ARID5B: variants seen among roughly 807,000 people sequenced by gnomAD.
ARID5B encodes the protein AT-rich interaction domain 5B.
ARID5B carries 13 observed loss-of-function variants against 97.2 expected under a neutral mutation model. The observed-to-expected ratio is 0.13, with a 90% CI of 0.09 to 0.21. The LOEUF (loss-of-function observed/expected upper bound fraction) is 0.21. ARID5B is among the 10% of genes least tolerant of loss of function. The pLI is 1.00. For synonymous variants in ARID5B, 556 were observed against 570.3 expected, an observed-to-expected ratio of 0.97 and a Z score of 0.36; for missense variants, 1,210 against 1,465.3, an observed-to-expected ratio of 0.83 and a Z score of 2.84.
At chr10:61,955,848 G>A (rs980262216) in intron 3 of ARID5B, among the ~76,000 whole-genome samples, 8 of 151,880 alleles carry the variant, frequency 5.3e-5, no homozygotes, top group African/African-American at 1.2e-4. Context: ...ACGGGGTTTC[G>A]TCATGCTGGC....
At chr10:62,023,316 CT>C (rs1839379476) in intron 4 of ARID5B, among the ~76,000 whole-genome samples, 1 of 152,194 alleles carries the variant, frequency 6.6e-6, no homozygotes, top group Non-Finnish European at 1.5e-5. Context: ...ATATTGCCTC[CT>C]TTGGCCATCA....
At chr10:61,908,319 A>T (rs1856803433) in intron 2 of ARID5B, among the ~76,000 whole-genome samples, 1 of 152,202 alleles carries the variant, frequency 6.6e-6, no homozygotes, top group South Asian at 2.1e-4. Context: ...TGATAAGGAG[A>T]TGAGATCAAC....
intron 8 of ARID5B, among the ~76,000 whole-genome samples, chr10:62,084,312 G>A (rs138437582): frequency 1.3e-5 from 2 of 152,240 alleles, no homozygotes; most frequent in East Asian, 3.9e-4. Context: ...CCCCACATCC[G>A]TACTGTCAAA....
intron 2 of ARID5B, among the ~76,000 whole-genome samples, chr10:61,932,854 G>A (rs539996793): frequency 7.2e-5 from 11 of 152,220 alleles, no homozygotes; most frequent in South Asian, 2.1e-4. Context: ...CCAGCACTTC[G>A]GGAGGATGAG....
At chr10:62,054,351 C>T (rs1324477467) in intron 5 of ARID5B, among the ~76,000 whole-genome samples, 2 of 151,928 alleles carry the variant, frequency 1.3e-5, no homozygotes, top group African/African-American at 2.4e-5. Flanking sequence ...TAGTCCTACC[C>T]AGAATCAGAA....
intron 4 of ARID5B, among the ~76,000 whole-genome samples, chr10:62,030,853 C>T (rs1564631926): frequency 2.0e-5 from 3 of 152,184 alleles, no homozygotes. Flanking sequence ...AAATACAGTA[C>T]AACTTGCAGC....
intron 4 of ARID5B, among the ~76,000 whole-genome samples, chr10:62,002,295 A>G (rs535667733): frequency 7.9e-5 from 12 of 152,340 alleles, no homozygotes; most frequent in African/African-American, 2.9e-4. Flanking sequence ...CACAAAAACA[A>G]GCATCTGACT....
chr10:62,001,754 T>C (rs1839082700), intron 4 of ARID5B, among the ~76,000 whole-genome samples: 1 of 152,202 alleles, frequency 6.6e-6, no homozygotes, highest in African/African-American at 2.4e-5. Context: ...AAATTGTGTT[T>C]TTGGATATCT....
At chr10:61,903,776 C>T (rs1843660838) in intron 2 of ARID5B, among the ~76,000 whole-genome samples, 3 of 152,168 alleles carry the variant, frequency 2.0e-5, no homozygotes, top group Admixed American at 6.5e-5. Context: ...TCCCTCTCCC[C>T]AGGATCGAAT....
At chr10:62,085,089 T>G (rs1291365710) in intron 8 of ARID5B, among the ~76,000 whole-genome samples, 1 of 152,246 alleles carries the variant, frequency 6.6e-6, no homozygotes, top group African/African-American at 2.4e-5. Flanking sequence ...ATCTCACCTC[T>G]AACAAATGGT....
chr10:62,074,077 C>G (rs1589285851), intron 8 of ARID5B, among the ~76,000 whole-genome samples: 1 of 152,002 alleles, frequency 6.6e-6, no homozygotes, highest in African/African-American at 2.4e-5. Context: ...AAAGTCCATG[C>G]AGGGGGAAAA....
chr10:61,929,613 T>G (rs914502171), intron 2 of ARID5B, among the ~76,000 whole-genome samples: 2 of 152,238 alleles, frequency 1.3e-5, no homozygotes, highest in Admixed American at 1.3e-4. Flanking sequence ...AGGGCTAGTG[T>G]GGTGGCTTTG....
At chr10:62,038,767 G>A (rs1839596775) in intron 4 of ARID5B, among the ~76,000 whole-genome samples, 1 of 152,148 alleles carries the variant, frequency 6.6e-6, no homozygotes, top group Non-Finnish European at 1.5e-5. Flanking sequence ...CACCTGTATT[G>A]GAGTAAACTC....
chr10:61,968,735 G>A (rs2132830713), intron 3 of ARID5B, among the ~76,000 whole-genome samples: 1 of 152,228 alleles, frequency 6.6e-6, no homozygotes, highest in East Asian at 1.9e-4. Flanking sequence ...CTCATATACA[G>A]TGTGTTTTAG....
At chr10:61,994,125 T>C (rs886489516) in intron 3 of ARID5B, among the ~76,000 whole-genome samples, 10 of 152,196 alleles carry the variant, frequency 6.6e-5, no homozygotes, top group Non-Finnish European at 1.2e-4. Context: ...TTTGCCCTAA[T>C]ACGATTAAGA....
rs76054649 is a variant in ARID5B at position 61,947,000 on chromosome 10, A to C, written c.502+6592A>C. ...ACTAATTACATACGAGACTTATCAAAGACTTGTAAAGATACTTTCCAAAGG... is the reference window on the plus strand; with the variant it reads ...ACTAATTACATACGAGACTTATCAACGACTTGTAAAGATACTTTCCAAAGG... On this transcript the variant is annotated intron_variant, in intron 3 of 9. Transcript: ENST00000279873. Among the ~76,000 whole-genome samples the C allele has an allele frequency of 6.6e-4, 100 of 152,358 alleles. 3 individuals carry two copies. The East Asian group carries it at 0.018, about 28-fold the overall frequency.
At chr10:62,016,526 G>A (rs909350524) in intron 4 of ARID5B, among the ~76,000 whole-genome samples, 1 of 152,172 alleles carries the variant, frequency 6.6e-6, no homozygotes, top group African/African-American at 2.4e-5. Flanking sequence ...ACTTTTCAAA[G>A]TGATGTTTGA....
At chr10:61,963,417 C>T (rs1207612926) in intron 3 of ARID5B, among the ~76,000 whole-genome samples, 1 of 152,126 alleles carries the variant, frequency 6.6e-6, no homozygotes, top group East Asian at 1.9e-4. Context: ...GAAAGGGGCA[C>T]AGACCCACAC....
chr10:61,940,712 A>G (rs1342017306), intron 3 of ARID5B, among the ~76,000 whole-genome samples: 1 of 151,620 alleles, frequency 6.6e-6, no homozygotes, highest in African/African-American at 2.4e-5. Flanking sequence ...GAATTAATGA[A>G]GAGTTTAAAT....
Sources: allele counts gnomAD v4.1 joint callset (sites outside exome capture counted in the v4.1 genomes callset), GRCh38; gene constraint gnomAD v4.1.1; transcripts MANE v1.5; gene names NCBI Gene and HGNC (gene_info 2026-07-23, HGNC 2026-07-21).